The following HIBCH variants were observed in gnomAD, a reference collection of about 807,000 sequenced individuals.
HIBCH encodes 3-hydroxyisobutyryl-CoA hydrolase, mitochondrial.
A neutral mutation model predicts 58.2 loss-of-function variants in HIBCH; 50 were observed. That is an observed-to-expected ratio of 0.86 (90% CI 0.68 to 1.09). The LOEUF is 1.09. Among genes scored for constraint, HIBCH ranks in the 50% least tolerant of loss-of-function variants. The pLI, the probability that HIBCH is intolerant of heterozygous loss-of-function variation, is 0.00. For synonymous variants in HIBCH, 151 were observed against 146.9 expected, an observed-to-expected ratio of 1.03 and a Z score of -0.20; for missense variants, 450 against 449.7, an observed-to-expected ratio of 1.00 and a Z score of -0.01.
chr2:190,261,068 A>C (rs747857161), intron 7 of HIBCH, 88 bp downstream of exon 7: 21 of 957,772 alleles, frequency 2.2e-5, no homozygotes, highest in Non-Finnish European at 3.4e-5. Flanking sequence ...ACAAGAGTCC[A>C]TCAATTCCTT....
chr2:190,195,776 ATTTC>A lies in HIBCH; in HGVS notation c.*18-5783_*18-5780del, dbSNP rs1274929475. On this transcript the variant is annotated intron_variant, in intron 1 of 1. Transcript: ENST00000399855. ...TTTAGTGAAGTCCAACTTATCAATT[ATTTC>A]TTTAACACATCATGCCTTTGGCACT... Among the ~76,000 whole-genome samples, 4 of 152,166 alleles carry A rather than the reference ATTTC, an allele frequency of 2.6e-5. No homozygotes were observed. The East Asian group carries it at 5.8e-4, about 22-fold the overall frequency.
At chr2:190,250,200 C>T (rs1686722986) in intron 8 of HIBCH, 1 of 346,124 alleles carries the variant, frequency 2.9e-6, no homozygotes, top group Non-Finnish European at 5.7e-6. Flanking sequence ...GCTTTCTTGC[C>T]CCTGTGATTT....
At chr2:190,239,320 T>C (rs1255528323) in intron 11 of HIBCH, among the ~76,000 whole-genome samples, 1 of 152,216 alleles carries the variant, frequency 6.6e-6, no homozygotes, top group Admixed American at 6.5e-5. Context: ...TCCATTGGTC[T>C]ATATATCTGT....
downstream of HIBCH, chr2:190,200,408 C>G (rs1690195236): frequency 2.7e-6 from 1 of 369,398 alleles, no homozygotes; most frequent in Admixed American, 4.1e-5. Flanking sequence ...AGCTGAATGT[C>G]ACAGCACTTC....
At chr2:190,191,808 TG>T (rs1215407881) in intron 1 of HIBCH, among the ~76,000 whole-genome samples, 1 of 152,226 alleles carries the variant, frequency 6.6e-6, no homozygotes, top group Non-Finnish European at 1.5e-5. Flanking sequence ...TTTTCTAAAC[TG>T]GGTTGTTGTC....
chr2:190,217,896 AC>A lies in HIBCH; in HGVS notation c.892-4822del, dbSNP rs1685605530. ...AGGGAATGTATAAATCACCTAAGAA[AC>A]CCTTAAAGCTAACTCTAAGGAAAAC... On this transcript the variant is annotated intron_variant, in intron 11 of 13. Coordinates refer to ENST00000359678, the MANE Select transcript of HIBCH (RefSeq NM_014362.4). This position sits in a 1 kb window ranked among gnomAD's most constrained non-coding sequence, Gnocchi z 4.6. 6.6e-6 allele frequency among the ~76,000 whole-genome samples: 1 copy of A among 152,242 alleles called. No individual in the cohort carries two copies. The highest frequency in any genetic ancestry group is 2.1e-4 in the South Asian group (1 of 4,818).
intron 11 of HIBCH, among the ~76,000 whole-genome samples, chr2:190,219,495 A>G (rs1685654947): frequency 1.3e-5 from 2 of 152,172 alleles, no homozygotes; most frequent in Non-Finnish European, 2.9e-5. Flanking sequence ...AGTCTAAAAT[A>G]AAAGTTTATT....
intron 2 of HIBCH, among the ~76,000 whole-genome samples, chr2:190,298,694 T>C (rs1688178143): frequency 6.6e-6 from 1 of 152,168 alleles, no homozygotes; most frequent in African/African-American, 2.4e-5. Context: ...AGACTGCCTG[T>C]TCATGTTCAC....
chr2:190,277,430 C>T (rs1687583594), intron 6 of HIBCH, among the ~76,000 whole-genome samples: 1 of 152,192 alleles, frequency 6.6e-6, no homozygotes, highest in South Asian at 2.1e-4. Context: ...ATCTTTTGGA[C>T]TGTACAAATT....
At position 190,244,872 on chromosome 2, in the gene HIBCH, G is replaced by A; in HGVS notation, c.891+15C>T. On this transcript the variant is annotated intron_variant, in intron 11 of 13. Transcript: ENST00000359678. ...TCACTATGTTCACTCAGGGCAGAAA[G>A]GATTCCAATATTACCTTCAATTGCT... is the stretch of plus-strand genomic sequence containing the variant. 1 of 1,557,768 alleles carries A rather than the reference G, an allele frequency of 6.4e-7. No homozygotes were observed. The highest frequency in any genetic ancestry group is 8.9e-7 in the Non-Finnish European group (1 of 1,128,578).
At chr2:190,244,368 T>C (rs1686545017) in intron 11 of HIBCH, among the ~76,000 whole-genome samples, 1 of 152,114 alleles carries the variant, frequency 6.6e-6, no homozygotes, top group South Asian at 2.1e-4. Context: ...GTCAAAAAGA[T>C]CAAAGTGTAC....
At chr2:190,229,088 C>T (rs572177465) in intron 11 of HIBCH, among the ~76,000 whole-genome samples, 69 of 152,228 alleles carry the variant, frequency 4.5e-4, no homozygotes, top group African/African-American at 1.6e-3. Context: ...GTGTGACATG[C>T]CTACTGTATG....
rs1055632560 is a variant in HIBCH at position 190,217,947 on chromosome 2, C to T, written c.892-4872G>A. 1.3e-5 allele frequency among the ~76,000 whole-genome samples: 2 copies of T among 152,122 alleles called. No individual in the cohort carries two copies. Among genetic ancestry groups the T allele is most frequent in the South Asian group, 2.1e-4 (1 of 4,828 alleles). ...CCTAAAGGAAGCTATGAGCAGGCTC[C>T]GTCATTGGGGGTGGATACGGTTAGG... is the stretch of plus-strand genomic sequence containing the variant. On this transcript the variant is annotated intron_variant, in intron 11 of 13. Transcript: ENST00000359678. This position sits in a 1 kb window ranked among gnomAD's most constrained non-coding sequence, Gnocchi z 4.6.
chr2:190,191,620 T>C (rs540653587), intron 1 of HIBCH, among the ~76,000 whole-genome samples: 2 of 152,360 alleles, frequency 1.3e-5, no homozygotes, highest in South Asian at 4.1e-4. Context: ...GCAGTTGCTC[T>C]GTATATGCAC....
chr2:190,277,786 C>T (rs1319575630), intron 6 of HIBCH, among the ~76,000 whole-genome samples: 3 of 152,172 alleles, frequency 2.0e-5, no homozygotes, highest in Non-Finnish European at 2.9e-5. Flanking sequence ...AAGGCAAATG[C>T]CTTGCGGTAG....
At chr2:190,244,818 C>A (rs1043027765) in intron 11 of HIBCH, 69 bp downstream of exon 11, 2 of 984,542 alleles carry the variant, frequency 2.0e-6, no homozygotes, top group Non-Finnish European at 3.3e-6. Flanking sequence ...ACTAATACCC[C>A]CTTAGAGAGG....
chr2:190,313,666 G>GAAAAAAAAAAAAAAAAAAAAAAAAAA (rs1688617991), intron 1 of HIBCH, among the ~76,000 whole-genome samples: 1 of 22,474 alleles, frequency 4.4e-5, no homozygotes, highest in African/African-American at 1.6e-4. Context: ...AAAAAAAAAG[G>GAAAAAAAAAAAAAAAAAAAAAAAAAA]AATCACCTGG....
rs1414721665 is a variant in HIBCH at position 190,278,897 on chromosome 2, T to C, written c.438+8689A>G. Among the ~76,000 whole-genome samples the C allele has an allele frequency of 1.3e-5, 2 of 152,224 alleles. 1 individual carries two copies. The highest frequency in any genetic ancestry group is 3.8e-4 in the East Asian group (2 of 5,204). On this transcript the variant is annotated intron_variant, in intron 6 of 13. Transcript: ENST00000359678. ...GTTGAGCGCCAATGATCTAGAGGATTACATTTTCAGAAGCTAGAGTTCATA... is the reference window on the plus strand; with the variant it reads ...GTTGAGCGCCAATGATCTAGAGGATCACATTTTCAGAAGCTAGAGTTCATA...
chr2:190,229,828 C>T (rs1686038964), intron 11 of HIBCH, among the ~76,000 whole-genome samples: 1 of 148,906 alleles, frequency 6.7e-6, no homozygotes, highest in Non-Finnish European at 1.5e-5. Flanking sequence ...CTATTAGAAG[C>T]ATCTTATATG....
Sources: gnomAD v4.1 joint callset for allele counts (sites outside exome capture counted in the v4.1 genomes callset) on GRCh38, gnomAD v4.1.1 for gene constraint, Gnocchi (gnomAD v3.1) non-coding constraint, MANE v1.5 for transcripts, NCBI Gene and HGNC (gene_info 2026-07-23, HGNC 2026-07-21) for gene names.